Variants in BTNL2 observed in about 807,000 individuals in gnomAD.
BTNL2 encodes butyrophilin-like protein 2.
BTNL2 carries 46 observed loss-of-function variants against 46.8 expected under a neutral mutation model. The ratio of observed to expected loss-of-function variants is 0.98; its 90% CI spans 0.78 to 1.26. BTNL2 has a LOEUF of 1.26. Ranked by LOEUF, BTNL2 falls within the 50% of genes most tolerant of loss-of-function variation. BTNL2 has a pLI of 0.00. For missense variants in BTNL2, 461 were observed against 592.6 expected (o/e 0.78, Z 2.31); for synonymous variants, 226 against 229.1 (o/e 0.99, Z 0.12).
rs748010992 is a variant in BTNL2 at position 32,396,165 on chromosome 6, C to T, written c.952G>A (p.Ala318Thr). Residue 318 changes from alanine to threonine, a missense_variant, in exon 5 of 8, where the codon GCC (alanine) becomes ACC (threonine). Ala to Thr is a moderately conservative substitution (Grantham distance 58). Transcript: ENST00000454136. The surrounding 1 kb of genome is among the most constrained non-coding windows in gnomAD (Gnocchi z 4.4). ...AGGGTCAGTCTGCCCTCGTCAATGG[C>T]GTCACTCACCAGTACAGTCCTCCCT... ...YRGRTVLVSD[A>T]IDEGRLTLQI... The T allele has an allele frequency of 4.3e-6, 7 of 1,612,962 alleles. No individual in the cohort carries two copies. The Admixed American group carries it at 5.0e-5, about 12-fold the overall frequency.
chr6:32,402,839 T>C (rs2076525), intron 3 of BTNL2, 96 bp downstream of exon 3: 334,480 of 1,259,784 alleles, frequency 0.27, 46,384 homozygotes, highest in Admixed American at 0.33. Context: ...ATATGATAGA[T>C]AATGTCTCTT....
At chr6:32,395,929 A>G in intron 5 of BTNL2, 110 bp downstream of exon 5, 1 of 847,974 alleles carries the variant, frequency 1.2e-6, no homozygotes, top group South Asian at 1.9e-5. Context: ...AAATTTGATG[A>G]TGAATAAGCA....
At position 32,396,013 on chromosome 6, in the gene BTNL2, A is replaced by G. The variant is rs41343746; in HGVS notation, c.1078+26T>C. 23,371 of 1,562,490 alleles carry G rather than the reference A, an allele frequency of 0.015. 1,093 individuals carry two copies. In the East Asian group the frequency reaches 0.16, roughly 10 times the overall value. On this transcript the variant is annotated intron_variant, in intron 5 of 7. Coordinates refer to ENST00000454136, the MANE Select transcript of BTNL2 (RefSeq NM_001304561.2). The surrounding 1 kb of genome is among the most constrained non-coding windows in gnomAD (Gnocchi z 4.4). ...AAAGTGGCAGGAGCAGGTATTGAAT[A>G]CAAAATATCTATCTAGAATTCTTAC...
Position 32,407,083 on chromosome 6 carries a change from G to T in BTNL2, c.41C>A (p.Ala14Asp), listed in dbSNP as rs1777203863. 1.2e-6 allele frequency: 2 copies of T among 1,612,984 alleles called. No individual in the cohort carries two copies. Among genetic ancestry groups the T allele is most frequent in the African/African-American group, 1.3e-5 (1 of 75,034 alleles). The change falls in exon 1 of 8, where the codon GCC becomes GAC. Residue 14 changes from alanine to aspartate, a missense_variant. Physicochemically the swap from Ala to Asp is moderately radical, Grantham distance 126 (BLOSUM62 -2). Coordinates refer to ENST00000454136, the MANE Select transcript of BTNL2 (RefSeq NM_001304561.2). ...FPGYNLSGAV[A>D]SFLFILLTMK... ...TGTCAGCAGGATGAATAGGAAGGAG[G>T]CGACTGCACCAGACAGATTGTAGCC...
At chr6:32,395,781 A>T (rs117882890) in intron 5 of BTNL2, among the ~76,000 whole-genome samples, 1,834 of 152,282 alleles carry the variant, frequency 0.012, 69 homozygotes, top group East Asian at 0.11. Flanking sequence ...AGATACTCAG[A>T]TTTCCTTAAA....
At chr6:32,395,091 T>C (rs1350657799) in intron 5 of BTNL2, 66 bp from the exon 6 acceptor site, 2 of 1,479,730 alleles carry the variant, frequency 1.4e-6, no homozygotes, top group Non-Finnish European at 1.8e-6. Context: ...GCAATTTCAC[T>C]GGGAGGAAAG....
Position 32,394,612 on chromosome 6 carries a change from G to A in BTNL2, c.1360+132C>T, listed in dbSNP as rs72847940. ...GGGTGTCCTGAAAACCAGCTTTGCA[G>A]AGGATAGCAGGAGACCTCGTCAGAG... On this transcript the variant is annotated intron_variant, in intron 6 of 7. Coordinates refer to ENST00000454136, the MANE Select transcript of BTNL2 (RefSeq NM_001304561.2). The surrounding 1 kb of genome is among the most constrained non-coding windows in gnomAD (Gnocchi z 4.6). 160,713 of 1,078,012 alleles carry A rather than the reference G, an allele frequency of 0.15. 12,827 individuals are homozygous for A. The highest frequency in any genetic ancestry group is 0.23 in the East Asian group (9,135 of 39,536). 66.8% of individuals were successfully genotyped at this position (1,078,012 alleles called of 1,614,324 possible). A position where few individuals can be genotyped will look rare whatever the true frequency, so the allele number is the denominator to read the frequency against.
intron 1 of BTNL2, chr6:32,406,286 C>T (rs1475479794): frequency 6.6e-6 from 1 of 152,286 alleles, no homozygotes; most frequent in Non-Finnish European, 1.5e-5. Flanking sequence ...TTGACTGTTA[C>T]AGGGTAGGGA....
chr6:32,398,779 C>T (rs117057492), intron 4 of BTNL2, among the ~76,000 whole-genome samples: 2,676 of 152,278 alleles, frequency 0.018, 79 homozygotes, highest in East Asian at 0.11. Context: ...TGATGCATTA[C>T]AGATACAGAC....
chr6:32,402,823 A>G, intron 3 of BTNL2, 112 bp downstream of exon 3: 1 of 1,130,718 alleles, frequency 8.8e-7, no homozygotes, highest in Non-Finnish European at 1.2e-6. Context: ...TTCAATACAT[A>G]TTGCTATATG....
In BTNL2 at chr6:32,396,835, T is replaced by C. The variant is rs571523174; in HGVS notation, c.731-449A>G. The stretch of plus-strand genomic sequence containing the variant: ...GTCTCTACAGAAATACAAAAATTAG[T>C]CGGGCATGATGGTGGGTGCCTGTAA... On this transcript the variant is annotated intron_variant, in intron 4 of 7. Coordinates refer to ENST00000454136, the MANE Select transcript of BTNL2 (RefSeq NM_001304561.2). The surrounding 1 kb of genome is among the most constrained non-coding windows in gnomAD (Gnocchi z 4.4). 0.012 allele frequency among the ~76,000 whole-genome samples: 1,776 copies of C among 151,842 alleles called. 61 individuals carry two copies. The highest frequency in any genetic ancestry group is 0.1 in the East Asian group (532 of 5,100).
In BTNL2 at chr6:32,404,983, T is replaced by G. The variant is rs771073790; in HGVS notation, c.383A>C (p.Asp128Ala). Reference sequence around the variant, plus strand: ...GCTTGTTTCTCCACAGTAGTTCCCATCCTGGAAATGGCACCAGTATTGTCC... The same window carrying G: ...GCTTGTTTCTCCACAGTAGTTCCCAGCCTGGAAATGGCACCAGTATTGTCC... ...DNGQYWCHFQ[D>A]GNYCGETSLL... Residue 128 changes from aspartate to alanine, a missense_variant, in exon 2 of 8, where the codon GAT becomes GCT. Coordinates refer to ENST00000454136, the MANE Select transcript of BTNL2 (RefSeq NM_001304561.2). 6.8e-6 allele frequency: 11 copies of G among 1,613,006 alleles called. No individual in the cohort carries two copies. In the African/African-American group the frequency reaches 1.2e-4, roughly 18 times the overall value.
intron 2 of BTNL2, 73 bp from the exon 3 acceptor site, chr6:32,403,289 G>A (rs1776911024): frequency 6.7e-7 from 1 of 1,490,808 alleles, no homozygotes; most frequent in Non-Finnish European, 9.0e-7. Context: ...AGATCCCAGT[G>A]ACGTTGCTCA....
intron 4 of BTNL2, among the ~76,000 whole-genome samples, chr6:32,397,888 C>A (rs142927426): frequency 1.1e-4 from 17 of 152,118 alleles, no homozygotes. Flanking sequence ...CTGGTCCAGC[C>A]GCTATATTTT....
chr6:32,401,789 C>G lies in BTNL2; in HGVS notation c.726G>C (p.Glu242Asp). Residue 242 changes from glutamate (E) to aspartate (D), a missense_variant, in exon 4 of 8, where the codon GAG (glutamate) becomes GAC (aspartate). Coordinates refer to ENST00000454136, the MANE Select transcript of BTNL2 (RefSeq NM_001304561.2). ...GTGCCAGCACCTCGTACTTACCCAG[C>G]TCAGTCTGGAGTTTCTCTGGAAAAA... Reference protein sequence around the residue: ...VISLPEKLQTELASLKVNGPS... With the variant: ...VISLPEKLQTDLASLKVNGPS... The G allele has an allele frequency of 6.2e-7, 1 of 1,612,108 alleles. No individual in the cohort carries two copies. Among genetic ancestry groups the G allele is most frequent in the Non-Finnish European group, 8.5e-7 (1 of 1,179,164 alleles).
chr6:32,394,817 G>A lies in BTNL2; in HGVS notation c.1287C>T (p.Ser429=), dbSNP rs139711106. 255 of 1,614,218 alleles carry A rather than the reference G, an allele frequency of 1.6e-4. No individual in the cohort carries two copies. The African/African-American group carries it at 2.5e-3, about 16-fold the overall frequency. The change falls in exon 6 of 8, where the codon TCC becomes TCT. Residue 429 remains serine, a synonymous_variant. Transcript: ENST00000454136. This position sits in a 1 kb window ranked among gnomAD's most constrained non-coding sequence, Gnocchi z 4.6. ...VQTLLRVTNI[S]AVDVTCSISI... is the part of the protein sequence containing the mutation. ...TGATGGAACAAGTGACGTCCACAGCGGAGATGTTTGTGACCCTTAGCAATG... is the reference window on the plus strand; with the variant it reads ...TGATGGAACAAGTGACGTCCACAGCAGAGATGTTTGTGACCCTTAGCAATG...
At chr6:32,395,140 AAGGGGGATTG>A in intron 5 of BTNL2, 115 bp from the exon 6 acceptor site, 3 of 1,078,202 alleles carry the variant, frequency 2.8e-6, no homozygotes, top group South Asian at 1.7e-5. Flanking sequence ...AGAAAAGCTT[AAGGGGGATTG>A]CACTCCACTT....
In BTNL2 at chr6:32,407,088, T is replaced by C. The variant is rs41395046; in HGVS notation, c.36A>G (p.Ala12=). ...GCAGGATGAATAGGAAGGAGGCGAC[T>C]GCACCAGACAGATTGTAGCCTGGAA... ...VDFPGYNLSG[A]VASFLFILLT... The change falls in exon 1 of 8, where the codon GCA becomes GCG. Residue 12 remains alanine (A), a synonymous_variant. Coordinates refer to ENST00000454136, the MANE Select transcript of BTNL2 (RefSeq NM_001304561.2). The C allele has an allele frequency of 2.7e-3, 4,295 of 1,613,022 alleles. 16 individuals carry two copies. The highest frequency in any genetic ancestry group is 9.2e-3 in the South Asian group (837 of 91,078).
chr6:32,396,348 C>A lies in BTNL2; in HGVS notation c.769G>T (p.Val257Phe), dbSNP rs769178206. 1.2e-6 allele frequency: 2 copies of A among 1,612,536 alleles called. No homozygotes were observed. The highest frequency in any genetic ancestry group is 2.2e-5 in the South Asian group (2 of 91,014). The stretch of plus-strand genomic sequence containing the variant: ...AGCTGTATATCTTCTCCCACTCTGA[C>A]GAGGATGGGCTGGGAAGGTCCATTC... ...KVNGPSQPILVRVGEDIQLTC... is the reference protein window; with the variant it reads ...KVNGPSQPILFRVGEDIQLTC... Residue 257 changes from valine to phenylalanine, a missense_variant, in exon 5 of 8, where the codon GTC (valine) becomes TTC (phenylalanine). Val to Phe is a conservative substitution (Grantham distance 50). Transcript: ENST00000454136. This position sits in a 1 kb window ranked among gnomAD's most constrained non-coding sequence, Gnocchi z 4.4.
Sources: gnomAD v4.1 joint callset for allele counts (sites outside exome capture counted in the v4.1 genomes callset) on GRCh38, gnomAD v4.1.1 for gene constraint, Gnocchi (gnomAD v3.1) non-coding constraint, MANE v1.5 for transcripts, NCBI Gene and HGNC (gene_info 2026-07-23, HGNC 2026-07-21) for gene names.